Variants in CCDC7 observed in about 807,000 individuals in gnomAD.
CCDC7 encodes coiled-coil domain containing 7.
A neutral mutation model predicts 196.9 loss-of-function variants in CCDC7; 183 were observed. The observed-to-expected ratio is 0.93, with a 90% CI of 0.82 to 1.05. The LOEUF (loss-of-function observed/expected upper bound fraction) is 1.05. Ranked by LOEUF, CCDC7 falls within the 50% of genes least tolerant of loss-of-function variation. The probability of loss-of-function intolerance (pLI) is 0.00; values close to 1 mark genes in which losing one functional copy is unlikely to be tolerated. For missense variants in CCDC7, 1,540 were observed against 1,482.2 expected (o/e 1.04, Z -0.64); for synonymous variants, 525 against 484.6 (o/e 1.08, Z -1.10).
rs191657469 is a variant in CCDC7, at chr10:32,668,124, T to C, written c.2122+3963T>C. On this transcript the variant is annotated intron_variant, in intron 21 of 41. Coordinates refer to ENST00000639629, the Ensembl canonical transcript of CCDC7. The stretch of plus-strand genomic sequence containing the variant: ...GGATTCCCAGGTGTTTTATTCTCTT[T>C]GAAGCAATTGTGAATGGGAGTTCAC... Among the ~76,000 whole-genome samples the C allele has an allele frequency of 6.2e-3, 939 of 152,278 alleles. 9 individuals carry two copies. Among genetic ancestry groups the C allele is most frequent in the Non-Finnish European group, 7.1e-3 (486 of 68,028 alleles).
At chr10:32,795,057 T>C (rs2083332937) in intron 29 of CCDC7, among the ~76,000 whole-genome samples, 1 of 152,194 alleles carries the variant, frequency 6.6e-6, no homozygotes, top group South Asian at 2.1e-4. Flanking sequence ...AGATTCAATA[T>C]TTCAGTTGAA....
chr10:32,753,190 G>A (rs894845873), intron 28 of CCDC7, among the ~76,000 whole-genome samples: 1 of 152,116 alleles, frequency 6.6e-6, no homozygotes, highest in African/African-American at 2.4e-5. Flanking sequence ...ATCAGAAGAT[G>A]AGCTTCAAAT....
At chr10:32,726,007 G>A (rs1301109047) in intron 25 of CCDC7, among the ~76,000 whole-genome samples, 1 of 151,976 alleles carries the variant, frequency 6.6e-6, no homozygotes, top group African/African-American at 2.4e-5. Flanking sequence ...CCTTCTCTTT[G>A]TATTCCCATC....
chr10:32,788,992 C>G (rs1454666530), intron 29 of CCDC7, among the ~76,000 whole-genome samples: 2 of 152,202 alleles, frequency 1.3e-5, no homozygotes, highest in Non-Finnish European at 2.9e-5. Context: ...GCCTTCTCAT[C>G]CAGCCACTAG....
chr10:32,645,314 T>C (rs961848252), intron 20 of CCDC7, among the ~76,000 whole-genome samples: 1 of 152,118 alleles, frequency 6.6e-6, no homozygotes, highest in African/African-American at 2.4e-5. Context: ...GTTAATGTGA[T>C]GTGTCACATT....
At chr10:32,702,456 C>A (rs186699245) in intron 24 of CCDC7, among the ~76,000 whole-genome samples, 1 of 151,970 alleles carries the variant, frequency 6.6e-6, no homozygotes, top group Non-Finnish European at 1.5e-5. Flanking sequence ...GGTCAATTTT[C>A]GAATAGGTGT....
intron 21 of CCDC7, among the ~76,000 whole-genome samples, chr10:32,671,408 A>G (rs1183611718): frequency 6.6e-6 from 1 of 152,152 alleles, no homozygotes; most frequent in African/African-American, 2.4e-5. Flanking sequence ...TATATCATAT[A>G]ACTTAGGTGT....
At chr10:32,613,018 C>G (rs1473106502) in intron 18 of CCDC7, among the ~76,000 whole-genome samples, 1 of 151,854 alleles carries the variant, frequency 6.6e-6, no homozygotes, top group Non-Finnish European at 1.5e-5. Context: ...CTCTTTGTAC[C>G]TCTGGTAGAA....
At chr10:32,805,426 A>G (rs2135165911) in intron 30 of CCDC7, among the ~76,000 whole-genome samples, 1 of 152,354 alleles carries the variant, frequency 6.6e-6, no homozygotes, top group East Asian at 1.9e-4. Context: ...GTTACTTTAA[A>G]TTTGCAAAAG....
chr10:32,652,858 A>G (rs2069026880), intron 20 of CCDC7, among the ~76,000 whole-genome samples: 1 of 152,208 alleles, frequency 6.6e-6, no homozygotes, highest in African/African-American at 2.4e-5. Flanking sequence ...GTATTAGAGT[A>G]TTCTGAATTT....
intron 8 of CCDC7, among the ~76,000 whole-genome samples, chr10:32,490,412 A>G (rs2041970388): frequency 6.6e-6 from 1 of 152,208 alleles, no homozygotes; most frequent in Admixed American, 6.5e-5. Flanking sequence ...TGTGGCTGAA[A>G]TAATAGTTGA....
intron 8 of CCDC7, among the ~76,000 whole-genome samples, chr10:32,482,148 G>T (rs112625355): frequency 0.052 from 7,857 of 150,890 alleles, 665 homozygotes; most frequent in African/African-American, 0.18. Context: ...CACTCTTGAT[G>T]CTGTCCCATA....
intron 8 of CCDC7, among the ~76,000 whole-genome samples, chr10:32,477,422 C>G (rs915929547): frequency 6.6e-6 from 1 of 152,038 alleles, no homozygotes; most frequent in Non-Finnish European, 1.5e-5. Flanking sequence ...AGGCTGGTCT[C>G]GAACTCCTGA....
intron 21 of CCDC7, among the ~76,000 whole-genome samples, chr10:32,678,082 C>G (rs923337203): frequency 2.4e-4 from 36 of 151,870 alleles, no homozygotes; most frequent in African/African-American, 8.7e-4. Context: ...GTTGGTAAGT[C>G]TTTGTTGAAT....
At chr10:32,679,875 A>G (rs1429567676) in intron 21 of CCDC7, among the ~76,000 whole-genome samples, 3 of 152,196 alleles carry the variant, frequency 2.0e-5, no homozygotes, top group Non-Finnish European at 2.9e-5. Flanking sequence ...ATACAAGGGT[A>G]AACTGATCCT....
chr10:32,500,407 C>T (rs891529067), intron 9 of CCDC7, among the ~76,000 whole-genome samples: 3 of 146,516 alleles, frequency 2.0e-5, no homozygotes, highest in Non-Finnish European at 4.5e-5. Flanking sequence ...AGATCCCAGA[C>T]GGGGTCACGG....
chr10:32,745,380 G>C (rs778409922), intron 28 of CCDC7, among the ~76,000 whole-genome samples: 2 of 152,228 alleles, frequency 1.3e-5, no homozygotes, highest in African/African-American at 2.4e-5. Context: ...TATACAAGAA[G>C]CATGGTGTCA....
chr10:32,447,357 C>T (rs528939981), upstream of CCDC7, among the ~76,000 whole-genome samples: 2 of 152,246 alleles, frequency 1.3e-5, no homozygotes, highest in African/African-American at 2.4e-5. Flanking sequence ...GTATATATAA[C>T]CTTTTGGTTT....
At chr10:32,676,611 A>G (rs1230389256) in intron 21 of CCDC7, among the ~76,000 whole-genome samples, 3 of 152,172 alleles carry the variant, frequency 2.0e-5, no homozygotes, top group African/African-American at 7.2e-5. Flanking sequence ...CAAAAAACAC[A>G]TGAAAAAATG....
Sources: gnomAD v4.1 joint callset for allele counts (sites outside exome capture counted in the v4.1 genomes callset) on GRCh38, gnomAD v4.1.1 for gene constraint, MANE v1.5 for transcripts, NCBI Gene and HGNC (gene_info 2026-07-23, HGNC 2026-07-21) for gene names.